The following FHIT variants were observed in gnomAD, a reference collection of about 807,000 sequenced individuals.
FHIT encodes bis(5'-adenosyl)-triphosphatase.
FHIT carries 19 observed loss-of-function variants against 17.9 expected under a neutral mutation model. The ratio of observed to expected loss-of-function variants is 1.06; its 90% confidence interval spans 0.74 to 1.56. The LOEUF is 1.56. Ranked by LOEUF, FHIT falls within the 40% of genes most tolerant of loss-of-function variation. The probability of loss-of-function intolerance (pLI) is 0.00; values close to 1 mark genes in which losing one functional copy is unlikely to be tolerated. For synonymous variants in FHIT, 81 were observed against 69.7 expected (o/e 1.16, Z -0.81); for missense variants, 248 against 189.2 (o/e 1.31, Z -1.82).
At chr3:61,201,662 C>T (rs2039016983) in intron 1 of FHIT, among the ~76,000 whole-genome samples, 1 of 152,102 alleles carries the variant, frequency 6.6e-6, no homozygotes, top group African/African-American at 2.4e-5. Context: ...ACAGGTCAGA[C>T]TTACGGGCTA....
In FHIT at chr3:61,160,335, T is replaced by C. The variant is rs773747590; in HGVS notation, c.-164+40282A>G. Among the ~76,000 whole-genome samples the C allele has an allele frequency of 4.6e-5, 7 of 152,248 alleles. No individual in the cohort carries two copies. In the East Asian group the frequency reaches 1.2e-3, roughly 25 times the overall value. On this transcript the variant is annotated intron_variant, in intron 2 of 9. Transcript: ENST00000492590. ...ATGATCTACCATCAAGTAGGAATCA[T>C]GTACATAAGTTCTTCCATTAGAGGA...
intron 5 of FHIT, among the ~76,000 whole-genome samples, chr3:60,491,419 G>GA (rs148375821): frequency 0.076 from 11,080 of 145,116 alleles, 644 homozygotes; most frequent in African/African-American, 0.17. Context: ...TAAACTGGGT[G>GA]AAAAAAAAAA....
At chr3:61,034,694 T>C (rs867388952) in intron 3 of FHIT, among the ~76,000 whole-genome samples, 21 of 152,204 alleles carry the variant, frequency 1.4e-4, no homozygotes, top group Admixed American at 3.9e-4. Context: ...GAATATACAG[T>C]GACTTAGCCA....
At position 60,060,190 on chromosome 3, in the gene FHIT, A is replaced by C. The variant is rs565264551; in HGVS notation, c.104-46038T>G. Among the ~76,000 whole-genome samples, 1,150 of 152,238 alleles carry C rather than the reference A, an allele frequency of 7.6e-3. 10 individuals are homozygous for C. The highest frequency in any genetic ancestry group is 0.026 in the African/African-American group (1,089 of 41,554). Reference sequence around the variant, plus strand: ...ATGGAAGGTATAATTGGTGTTAAAAAAAAAAACCCAAATGTTTTCTGAATT... The same window carrying C: ...ATGGAAGGTATAATTGGTGTTAAAACAAAAAACCCAAATGTTTTCTGAATT... On this transcript the variant is annotated intron_variant, in intron 5 of 9. Transcript: ENST00000492590.
chr3:60,674,086 TA>T (rs1173442869), intron 4 of FHIT, among the ~76,000 whole-genome samples: 2 of 152,124 alleles, frequency 1.3e-5, no homozygotes, highest in Admixed American at 6.5e-5. Flanking sequence ...AAGATTCATA[TA>T]TTTTTTCTAT....
In FHIT at chr3:59,852,263, C is replaced by T. The variant is rs1043331459; in HGVS notation, c.348+70083G>A. Reference sequence around the variant, plus strand: ...TAGAGCAAGAGAACGAATTACCAAACAGTAATATTACCCCCATCGACAAGC... The same window carrying T: ...TAGAGCAAGAGAACGAATTACCAAATAGTAATATTACCCCCATCGACAAGC... On this transcript the variant is annotated intron_variant, in intron 8 of 9. Transcript: ENST00000492590. Among the ~76,000 whole-genome samples, 3 of 152,252 alleles carry T rather than the reference C, an allele frequency of 2.0e-5. No homozygotes were observed. The East Asian group carries it at 5.8e-4, about 29-fold the overall frequency.
intron 2 of FHIT, among the ~76,000 whole-genome samples, chr3:61,138,842 G>A (rs2036992303): frequency 6.6e-6 from 1 of 152,082 alleles, no homozygotes; most frequent in African/African-American, 2.4e-5. Context: ...AATAACCAAA[G>A]GAGGAAAGGC....
chr3:60,930,173 C>T (rs1426684741), intron 3 of FHIT, among the ~76,000 whole-genome samples: 3 of 151,922 alleles, frequency 2.0e-5, no homozygotes, highest in Non-Finnish European at 1.5e-5. Context: ...ATGTAGAAAG[C>T]TGAAACTGGA....
At chr3:59,914,688 T>C (rs1185928171) in intron 8 of FHIT, among the ~76,000 whole-genome samples, 1 of 152,234 alleles carries the variant, frequency 6.6e-6, no homozygotes, top group Non-Finnish European at 1.5e-5. Context: ...AGTTAAATGT[T>C]TGGGGGCTTT....
At chr3:60,714,947 A>G (rs2041642425) in intron 4 of FHIT, among the ~76,000 whole-genome samples, 1 of 152,154 alleles carries the variant, frequency 6.6e-6, no homozygotes, top group Non-Finnish European at 1.5e-5. Context: ...TAAAGTTCAT[A>G]TGGAACCAAA....
intron 2 of FHIT, among the ~76,000 whole-genome samples, chr3:61,052,963 C>A (rs2034081214): frequency 6.6e-6 from 1 of 152,114 alleles, no homozygotes; most frequent in Admixed American, 6.5e-5. Context: ...GTGAAATTTT[C>A]TGCTGCTGTA....
At chr3:59,886,324 G>A (rs767998576) in intron 8 of FHIT, 1 of 152,210 alleles carries the variant, frequency 6.6e-6, no homozygotes, top group Non-Finnish European at 1.5e-5. Context: ...CACTCCCACT[G>A]AATTAGGACC....
rs972210846 is a variant in FHIT at position 59,959,047 on chromosome 3, A to C, written c.280-36633T>G. On this transcript the variant is annotated intron_variant, in intron 7 of 9. Transcript: ENST00000492590. The stretch of plus-strand genomic sequence containing the variant: ...CACTGCTGGAGACCCACATTTGTTA[A>C]TGACCTCCAGGGTCCTCTCCCCTGG... 3.3e-5 allele frequency among the ~76,000 whole-genome samples: 5 copies of C among 152,198 alleles called. No individual in the cohort carries two copies. In the South Asian group the frequency reaches 1.0e-3, roughly 32 times the overall value.
At chr3:60,711,533 T>A (rs1298172808) in intron 4 of FHIT, among the ~76,000 whole-genome samples, 2 of 151,940 alleles carry the variant, frequency 1.3e-5, no homozygotes, top group East Asian at 1.9e-4. Flanking sequence ...TTGAAAAAAA[T>A]TTAGACAAAT....
At chr3:60,318,448 G>A (rs1709268138) in intron 5 of FHIT, among the ~76,000 whole-genome samples, 1 of 152,112 alleles carries the variant, frequency 6.6e-6, no homozygotes, top group Admixed American at 6.6e-5. Context: ...TTCCTTCACA[G>A]AAAGAAACCA....
At chr3:60,191,264 C>T (rs943362088) in intron 5 of FHIT, among the ~76,000 whole-genome samples, 5 of 151,986 alleles carry the variant, frequency 3.3e-5, no homozygotes, top group Non-Finnish European at 5.9e-5. Flanking sequence ...AAAAATAATG[C>T]TTAAACACAT....
intron 8 of FHIT, among the ~76,000 whole-genome samples, chr3:59,809,962 C>G (rs1700349849): frequency 6.6e-6 from 1 of 152,130 alleles, no homozygotes; most frequent in South Asian, 2.1e-4. Context: ...TGGGATCCCT[C>G]TGGTGGTTAC....
intron 5 of FHIT, among the ~76,000 whole-genome samples, chr3:60,530,562 G>C (rs982297902): frequency 6.6e-6 from 1 of 152,148 alleles, no homozygotes; most frequent in Non-Finnish European, 1.5e-5. Context: ...GACTAGCAAG[G>C]AGGGCTTCCC....
At chr3:60,056,515 C>T (rs1702088489) in intron 5 of FHIT, among the ~76,000 whole-genome samples, 1 of 152,214 alleles carries the variant, frequency 6.6e-6, no homozygotes, top group African/African-American at 2.4e-5. Context: ...AAACCATCAG[C>T]AGTTAGATTC....
Sources: allele counts gnomAD v4.1 joint callset (sites outside exome capture counted in the v4.1 genomes callset), GRCh38; gene constraint gnomAD v4.1.1; transcripts MANE v1.5; gene names NCBI Gene and HGNC (gene_info 2026-07-23, HGNC 2026-07-21).